KLF15: variants seen among roughly 807,000 people sequenced by gnomAD.
The protein encoded by KLF15 is KLF transcription factor 15.
A neutral mutation model predicts 24.6 loss-of-function variants in KLF15; 4 were observed. The ratio of observed to expected loss-of-function variants is 0.16; its 90% confidence interval spans 0.08 to 0.37. The LOEUF (loss-of-function observed/expected upper bound fraction) is 0.37, where lower values mean the gene tolerates loss of function less well. Ranked by LOEUF, KLF15 falls within the 10% of genes least tolerant of loss-of-function variation. KLF15 has a pLI of 1.00. For missense variants in KLF15, 496 were observed against 560.6 expected, an observed-to-expected ratio of 0.88 and a Z score of 1.16; for synonymous variants, 246 against 236.3, an observed-to-expected ratio of 1.04 and a Z score of -0.37.
the KLF15 span, among the ~76,000 whole-genome samples, chr3:126,296,294 A>G: frequency 2.0e-5 from 3 of 151,498 alleles, no homozygotes; most frequent in East Asian, 1.9e-4. Context: ...TACAAGCTCC[A>G]CCTCCCAGGT....
chr3:126,328,017 G>A, the KLF15 span, among the ~76,000 whole-genome samples: 3 of 152,002 alleles, frequency 2.0e-5, no homozygotes, highest in Non-Finnish European at 4.4e-5. Context: ...GTGAGATTTT[G>A]GTGCACCCAT....
intron 2 of KLF15, 101 bp downstream of exon 2, chr3:126,351,740 C>G: frequency 1.7e-6 from 1 of 585,694 alleles, no homozygotes; most frequent in South Asian, 1.8e-5. Context: ...CCTCCCTCAT[C>G]TACCTTCTGT....
At chr3:126,301,856 C>T in the KLF15 span, among the ~76,000 whole-genome samples, 1 of 151,972 alleles carries the variant, frequency 6.6e-6, no homozygotes, top group Non-Finnish European at 1.5e-5. Context: ...CTTAGGTGAT[C>T]TACCGGCCTC....
chr3:126,331,659 G>T, the KLF15 span, among the ~76,000 whole-genome samples: 96,130 of 152,106 alleles, frequency 0.63, 30,506 homozygotes, highest in South Asian at 0.72. Context: ...AGCTCCCAGC[G>T]TGAGCGACGC....
downstream of KLF15, among the ~76,000 whole-genome samples, chr3:126,339,621 C>A (rs748533019): frequency 1.6e-4 from 25 of 152,316 alleles, no homozygotes; most frequent in Non-Finnish European, 2.6e-4. Context: ...GGGTTCAGAT[C>A]GCCTCCTCAT....
At chr3:126,324,856 T>C in the KLF15 span, among the ~76,000 whole-genome samples, 41 of 118,234 alleles carry the variant, frequency 3.5e-4, 1 homozygote, top group African/African-American at 1.4e-3. Context: ...ATGTGCACAT[T>C]GTGCAGGTTA....
At chr3:126,310,824 G>C in the KLF15 span, among the ~76,000 whole-genome samples, 1 of 152,192 alleles carries the variant, frequency 6.6e-6, no homozygotes, top group East Asian at 1.9e-4. Flanking sequence ...AGGCATTGGA[G>C]GTTAGGACTT....
the KLF15 span, among the ~76,000 whole-genome samples, chr3:126,313,653 C>T: frequency 1.3e-5 from 2 of 152,188 alleles, no homozygotes; most frequent in Non-Finnish European, 2.9e-5. Context: ...TCCTCAGTCC[C>T]TGGCATGGCT....
At chr3:126,329,248 CTTGAG>C in the KLF15 span, among the ~76,000 whole-genome samples, 2 of 152,152 alleles carry the variant, frequency 1.3e-5, no homozygotes, top group Admixed American at 1.3e-4. Context: ...GCCATATGTA[CTTGAG>C]TTATTTTCTA....
chr3:126,290,834 T>C, the KLF15 span: 9 of 152,376 alleles, frequency 5.9e-5, no homozygotes, highest in East Asian at 1.7e-3. Context: ...ACATTTAATG[T>C]AGCCATTTGA....
At chr3:126,335,926 G>T in the KLF15 span, among the ~76,000 whole-genome samples, 22 of 148,540 alleles carry the variant, frequency 1.5e-4, no homozygotes, top group African/African-American at 5.0e-4. Flanking sequence ...AATAAAAGAG[G>T]ATACAAACAA....
In KLF15 at chr3:126,343,497, TCCAGCCCCGTGCGCCTGGGGC is replaced by T. The variant is rs1174170417; in HGVS notation, c.*209_*229del. On this transcript the variant is annotated 3_prime_UTR_variant, in exon 3 of 3. Coordinates refer to ENST00000296233, the MANE Select transcript of KLF15 (RefSeq NM_014079.4). The stretch of plus-strand genomic sequence containing the variant: ...AGGCACGAAGGCACGAAGGCCTGCC[TCCAGCCCCGTGCGCCTGGGGC>T]CCAGCCCCCAGGGACGCGGGTTCGA... 9 of 488,478 alleles carry T rather than the reference TCCAGCCCCGTGCGCCTGGGGC, an allele frequency of 1.8e-5. No individual in the cohort carries two copies. Among genetic ancestry groups the T allele is most frequent in the South Asian group, 2.6e-5 (1 of 38,194 alleles). 30.3% of individuals were successfully genotyped at this position (488,478 alleles called of 1,614,324 possible). A position where few individuals can be genotyped will look rare whatever the true frequency, so the allele number is the denominator to read the frequency against.
Position 126,352,066 on chromosome 3 carries a change from A to G in KLF15, c.857T>C (p.Ile286Thr). Residue 286 changes from isoleucine (I) to threonine (T), a missense_variant, in exon 2 of 3, where the codon ATT becomes ACT. Around this residue, in one of 3 missense-constraint regions of KLF15, gnomAD observed 399 missense variants for 423.1 expected, o/e 0.94. Transcript: ENST00000296233. The stretch of plus-strand genomic sequence containing the variant: ...TCCCGATCCAACAGGCTTGGCGGCA[A>G]TGGGCACAGGGGCAATGCGCACAAA... The part of the protein sequence containing the change: ...SKFVRIAPVP[I>T]AAKPVGSGPL... 1 of 1,533,604 alleles carries G rather than the reference A, an allele frequency of 6.5e-7. No homozygotes were observed. Among genetic ancestry groups the G allele is most frequent in the Non-Finnish European group, 8.8e-7 (1 of 1,138,292 alleles). The allele number at this position is 1,533,604 out of a possible 1,614,324, so 95.0% of individuals were successfully genotyped here.
the KLF15 span, among the ~76,000 whole-genome samples, chr3:126,329,160 G>A: frequency 6.6e-6 from 1 of 152,192 alleles, no homozygotes; most frequent in Non-Finnish European, 1.5e-5. Context: ...TGGATTTTCT[G>A]TGTATGGTGT....
the KLF15 span, among the ~76,000 whole-genome samples, chr3:126,327,223 G>A: frequency 5.9e-5 from 9 of 152,138 alleles, no homozygotes; most frequent in African/African-American, 2.2e-4. Flanking sequence ...GGGATGGAGT[G>A]GGGCTGGAGC....
the KLF15 span, among the ~76,000 whole-genome samples, chr3:126,310,288 G>T: frequency 6.6e-6 from 1 of 152,206 alleles, no homozygotes. Context: ...ACATCACTGA[G>T]ACCTGGGGCC....
intron 2 of KLF15, 42 bp from the exon 3 acceptor site, chr3:126,343,937 C>G (rs1452396096): frequency 1.6e-5 from 24 of 1,512,486 alleles, no homozygotes; most frequent in Non-Finnish European, 1.9e-5. Flanking sequence ...GCCCTGCCTG[C>G]CCCTGCCTGC....
At chr3:126,341,574 C>T (rs1329310966), downstream of KLF15, among the ~76,000 whole-genome samples, 3 of 152,174 alleles carry the variant, frequency 2.0e-5, no homozygotes, top group Non-Finnish European at 4.4e-5. Flanking sequence ...TAGGCCCAGC[C>T]TCCTCCTCGG....
intron 2 of KLF15, among the ~76,000 whole-genome samples, chr3:126,344,585 C>T (rs1232684999): frequency 6.6e-6 from 1 of 152,206 alleles, no homozygotes; most frequent in Non-Finnish European, 1.5e-5. Flanking sequence ...CTGGCTGCCT[C>T]TCACCACCCT....
Sources: gnomAD v4.1 joint callset for allele counts (sites outside exome capture counted in the v4.1 genomes callset) on GRCh38, gnomAD v4.1.1 for gene constraint, gnomAD v4.1.1 regional missense constraint, MANE v1.5 for transcripts, NCBI Gene and HGNC (gene_info 2026-07-23, HGNC 2026-07-21) for gene names.